The following NCOA2 variants were observed in gnomAD, a reference collection of about 807,000 sequenced individuals.
NCOA2 encodes the protein class E basic helix-loop-helix protein 75.
Under a neutral mutation model 145.1 loss-of-function variants are expected in NCOA2, and 21 were observed. The observed-to-expected ratio is 0.14, with a 90% CI of 0.10 to 0.21. NCOA2 has a LOEUF of 0.21. Ranked by LOEUF, NCOA2 falls within the 10% of genes least tolerant of loss-of-function variation. NCOA2 has a pLI of 1.00. For synonymous variants in NCOA2, 619 were observed against 637.5 expected (o/e 0.97, Z 0.44); for missense variants, 1,472 against 1,837.6 (o/e 0.80, Z 3.64).
chr8:70,159,411 T>A, intron 10 of NCOA2, 94 bp downstream of exon 10: 1 of 1,173,234 alleles, frequency 8.5e-7, no homozygotes, highest in African/African-American at 1.5e-5. Flanking sequence ...AAGAAATGTC[T>A]AACAAATCCT....
At chr8:70,274,749 G>A (rs1466959890) in intron 2 of NCOA2, among the ~76,000 whole-genome samples, 9 of 152,088 alleles carry the variant, frequency 5.9e-5, no homozygotes, top group Non-Finnish European at 1.3e-4. Flanking sequence ...ATTATTCTAA[G>A]ACTCCTTTAC....
intron 1 of NCOA2, among the ~76,000 whole-genome samples, chr8:70,368,064 A>T (rs891801257): frequency 6.6e-6 from 1 of 152,238 alleles, no homozygotes; most frequent in Admixed American, 6.5e-5. Flanking sequence ...TGAGAGAAAT[A>T]ACTTAAGAGT....
At chr8:70,146,271 AT>A (rs1354142261) in intron 12 of NCOA2, among the ~76,000 whole-genome samples, 4 of 152,174 alleles carry the variant, frequency 2.6e-5, no homozygotes. Context: ...ACATATTTGG[AT>A]TTGATATGAT....
chr8:70,169,184 G>A (rs1293560932), intron 6 of NCOA2, among the ~76,000 whole-genome samples: 1 of 152,202 alleles, frequency 6.6e-6, no homozygotes, highest in African/African-American at 2.4e-5. Flanking sequence ...GGGAACAGCA[G>A]TACTCTAGAG....
intron 4 of NCOA2, among the ~76,000 whole-genome samples, chr8:70,209,511 A>T (rs2133790718): frequency 6.6e-6 from 1 of 152,206 alleles, no homozygotes; most frequent in East Asian, 1.9e-4. Flanking sequence ...TCATGAAAGT[A>T]AGAGTCCATC....
At chr8:70,385,515 ACT>A (rs1257576603) in intron 1 of NCOA2, among the ~76,000 whole-genome samples, 1 of 151,868 alleles carries the variant, frequency 6.6e-6, no homozygotes, top group Non-Finnish European at 1.5e-5. Context: ...TGCAGCCACA[ACT>A]CCTGGCTCAA....
intron 2 of NCOA2, among the ~76,000 whole-genome samples, chr8:70,266,019 G>A (rs1332956729): frequency 1.3e-5 from 2 of 152,244 alleles, no homozygotes; most frequent in South Asian, 2.1e-4. Context: ...GCGTGGTGGT[G>A]CATGCCTGTA....
rs750928629 is a variant in NCOA2 at position 70,131,958 on chromosome 8, G to C, written c.3203C>G (p.Pro1068Arg). 1.4e-5 allele frequency: 23 copies of C among 1,612,246 alleles called. No individual in the cohort carries two copies. In the South Asian group the frequency reaches 2.4e-4, roughly 17 times the overall value. The change falls in exon 16 of 23, where the codon CCT becomes CGT. Residue 1068 changes from proline (P) to arginine (R), a missense_variant. By Grantham distance (103) the Pro-to-Arg change is moderately radical (BLOSUM62 -2). Coordinates refer to ENST00000452400, the MANE Select transcript of NCOA2 (RefSeq NM_006540.4). ...SSPDDLLCPHPAAESPSDEGA... is the reference protein window; with the variant it reads ...SSPDDLLCPHRAAESPSDEGA... The stretch of plus-strand genomic sequence containing the variant: ...CTCATCACTCGGAGACTCAGCTGCA[G>C]GATGTGGACATAGCAAGTCATCTGG...
At chr8:70,159,244 T>TATATATATATATATATATATATATA in intron 10 of NCOA2, among the ~76,000 whole-genome samples, 220 of 69,244 alleles carry the variant, frequency 3.2e-3, no homozygotes, top group Non-Finnish European at 5.2e-3. Context: ...ATATATATAT[T>TATATATATATATATATATATATATA]TTTTTTTTTT....
chr8:70,299,008 C>A (rs1323364937), intron 1 of NCOA2, among the ~76,000 whole-genome samples: 1 of 151,886 alleles, frequency 6.6e-6, no homozygotes, highest in Non-Finnish European at 1.5e-5. Context: ...TGCAGTGAGC[C>A]GAGATCGCGC....
At chr8:70,217,464 A>C (rs996677102) in intron 2 of NCOA2, among the ~76,000 whole-genome samples, 2 of 151,702 alleles carry the variant, frequency 1.3e-5, no homozygotes, top group Non-Finnish European at 2.9e-5. Context: ...TTCCTCTCTC[A>C]CATCCTGCCG....
intron 18 of NCOA2, 43 bp downstream of exon 18, chr8:70,128,390 T>C (rs1166136893): frequency 6.6e-7 from 1 of 1,524,872 alleles, no homozygotes; most frequent in Admixed American, 1.8e-5. Flanking sequence ...CAAAAGCAGC[T>C]GCATGCATAC....
At chr8:70,375,000 G>C (rs1811546608) in intron 1 of NCOA2, among the ~76,000 whole-genome samples, 1 of 151,666 alleles carries the variant, frequency 6.6e-6, no homozygotes, top group Admixed American at 6.6e-5. Flanking sequence ...AAAAAGTTCA[G>C]TCACCCTACG....
At chr8:70,315,378 A>T (rs1201958425) in intron 1 of NCOA2, among the ~76,000 whole-genome samples, 1 of 152,244 alleles carries the variant, frequency 6.6e-6, no homozygotes, top group Non-Finnish European at 1.5e-5. Flanking sequence ...GTGGTTGTGT[A>T]TGGATGACGC....
Position 70,376,369 on chromosome 8 carries a change from GCACACA to G in NCOA2, c.-77+27325_-77+27330del, listed in dbSNP as rs146722946. ...ACACAGTGGCCCAGTACACACACAC[GCACACA>G]CACACACACACACACAAACGTGTGT... is the stretch of plus-strand genomic sequence containing the variant. On this transcript the variant is annotated intron_variant, in intron 1 of 22. Coordinates refer to ENST00000452400, the MANE Select transcript of NCOA2 (RefSeq NM_006540.4). Among the ~76,000 whole-genome samples, 129 of 147,318 alleles carry G rather than the reference GCACACA, an allele frequency of 8.8e-4. 1 individual carries two copies. Among genetic ancestry groups the G allele is most frequent in the African/African-American group, 3.0e-3 (123 of 40,522 alleles).
At chr8:70,117,812 A>C (rs556396668) in intron 22 of NCOA2, among the ~76,000 whole-genome samples, 1 of 152,266 alleles carries the variant, frequency 6.6e-6, no homozygotes, top group Admixed American at 6.5e-5. Context: ...AAATGAGGGA[A>C]TCTAAACAAA....
At chr8:70,166,451 G>T in intron 7 of NCOA2, 115 bp downstream of exon 7, 1 of 1,223,828 alleles carries the variant, frequency 8.2e-7, no homozygotes, top group Non-Finnish European at 1.2e-6. Context: ...AAATTGAAAA[G>T]AACAAAGATA....
At chr8:70,214,138 C>A in intron 3 of NCOA2, 63 bp from the exon 4 acceptor site, 3 of 1,466,962 alleles carry the variant, frequency 2.0e-6, no homozygotes, top group East Asian at 2.3e-5. Flanking sequence ...AAAAAATGAA[C>A]GTGTTAAACA....
intron 1 of NCOA2, among the ~76,000 whole-genome samples, chr8:70,392,600 C>A (rs1813303857): frequency 6.6e-6 from 1 of 152,152 alleles, no homozygotes; most frequent in South Asian, 2.1e-4. Flanking sequence ...TGCCTTCATT[C>A]TCTTTTTTTA....
Sources: gnomAD v4.1 joint callset for allele counts (sites outside exome capture counted in the v4.1 genomes callset) on GRCh38, gnomAD v4.1.1 for gene constraint, MANE v1.5 for transcripts, NCBI Gene and HGNC (gene_info 2026-07-23, HGNC 2026-07-21) for gene names.